Variants in SERGEF observed in about 807,000 individuals in gnomAD.
SERGEF encodes secretion-regulating guanine nucleotide exchange factor.
A neutral mutation model predicts 50.0 loss-of-function variants in SERGEF; 51 were observed. The observed-to-expected ratio is 1.02, with a 90% CI of 0.81 to 1.29. The LOEUF (loss-of-function observed/expected upper bound fraction) is 1.29, where lower values mean the gene tolerates loss of function less well. Among genes scored for constraint, SERGEF ranks in the 50% most tolerant of loss-of-function variants. The pLI is 0.00. For missense variants in SERGEF, 521 were observed against 557.0 expected (o/e 0.94, Z 0.65); for synonymous variants, 205 against 212.4 (o/e 0.97, Z 0.30).
At chr11:17,943,173 G>T (rs1852592227) in intron 9 of SERGEF, among the ~76,000 whole-genome samples, 1 of 152,012 alleles carries the variant, frequency 6.6e-6, no homozygotes, top group Admixed American at 6.5e-5. Context: ...TTAAATATCT[G>T]ATAAAGTTTA....
intron 10 of SERGEF, among the ~76,000 whole-genome samples, chr11:17,875,826 A>G (rs995842299): frequency 1.3e-5 from 2 of 152,188 alleles, no homozygotes; most frequent in African/African-American, 2.4e-5. Flanking sequence ...GTTCTCTTCT[A>G]GTCTAGTCTA....
intron 7 of SERGEF, 66 bp downstream of exon 7, chr11:17,992,865 C>A: frequency 7.6e-7 from 1 of 1,319,488 alleles, no homozygotes; most frequent in Non-Finnish European, 1.1e-6. Flanking sequence ...TTCAATATCA[C>A]CACTTCAGGC....
At position 17,864,374 on chromosome 11, in the gene SERGEF, A is replaced by T. The variant is rs542955019; in HGVS notation, c.1048+13834T>A. Among the ~76,000 whole-genome samples, 4 of 152,294 alleles carry T rather than the reference A, an allele frequency of 2.6e-5. No homozygotes were observed. In the East Asian group the frequency reaches 7.7e-4, roughly 29 times the overall value. ...AGAATGACTCCTGTGGAGTGATATA[A>T]ATGTCGCTTCTTTAGGAACAGTGAA... On this transcript the variant is annotated intron_variant, in intron 10 of 10. Coordinates refer to ENST00000265965, the MANE Select transcript of SERGEF (RefSeq NM_012139.4).
chr11:17,885,397 C>T (rs1668514024), intron 9 of SERGEF, among the ~76,000 whole-genome samples: 1 of 152,180 alleles, frequency 6.6e-6, no homozygotes, highest in African/African-American at 2.4e-5. Context: ...ACCTAGCTCA[C>T]TATAACCTCG....
chr11:17,891,262 G>A (rs141667402), intron 9 of SERGEF, among the ~76,000 whole-genome samples: 10 of 152,298 alleles, frequency 6.6e-5, no homozygotes, highest in Admixed American at 6.5e-4. Context: ...TAGAGATGCA[G>A]AATTGGCAAG....
intron 7 of SERGEF, among the ~76,000 whole-genome samples, chr11:17,992,643 T>A (rs1402190624): frequency 6.6e-6 from 1 of 152,216 alleles, no homozygotes; most frequent in Non-Finnish European, 1.5e-5. Flanking sequence ...TTATCCTTAT[T>A]GTATAGTTAA....
At chr11:17,806,482 A>T (rs1160609318) in intron 10 of SERGEF, among the ~76,000 whole-genome samples, 5 of 152,204 alleles carry the variant, frequency 3.3e-5, no homozygotes, top group African/African-American at 1.2e-4. Context: ...GCTGAGGCTT[A>T]GCTGAGGCTC....
At chr11:17,944,676 T>C (rs1292686663) in intron 9 of SERGEF, among the ~76,000 whole-genome samples, 6 of 152,190 alleles carry the variant, frequency 3.9e-5, no homozygotes, top group African/African-American at 1.4e-4. Flanking sequence ...CTACCAGAAA[T>C]GGAATTGAGA....
intron 4 of SERGEF, among the ~76,000 whole-genome samples, chr11:18,003,488 A>G (rs1008121478): frequency 1.3e-5 from 2 of 152,236 alleles, no homozygotes; most frequent in Non-Finnish European, 2.9e-5. Context: ...TAAAAAATGC[A>G]TACCAGAGTT....
At chr11:17,809,508 T>A (rs1468886756) in intron 10 of SERGEF, among the ~76,000 whole-genome samples, 1 of 152,060 alleles carries the variant, frequency 6.6e-6, no homozygotes, top group East Asian at 1.9e-4. Flanking sequence ...TCATGACAGA[T>A]CACATTTAGG....
intron 9 of SERGEF, among the ~76,000 whole-genome samples, chr11:17,926,391 G>T (rs1242059118): frequency 6.6e-6 from 1 of 152,122 alleles, no homozygotes; most frequent in African/African-American, 2.4e-5. Context: ...CAGGGCCAGA[G>T]GCAGGGAGAG....
At chr11:17,805,516 C>T (rs1355752975) in intron 10 of SERGEF, among the ~76,000 whole-genome samples, 2 of 152,202 alleles carry the variant, frequency 1.3e-5, no homozygotes, top group African/African-American at 4.8e-5. Context: ...AGCCCCACCA[C>T]AACCCTGAAG....
At chr11:17,795,304 G>A (rs758197423) in intron 10 of SERGEF, among the ~76,000 whole-genome samples, 1 of 152,160 alleles carries the variant, frequency 6.6e-6, no homozygotes, top group Non-Finnish European at 1.5e-5. Context: ...CTGTCCCTAG[G>A]GTCCTGCTGT....
At chr11:17,992,646 ATAG>A (rs1321166808) in intron 7 of SERGEF, among the ~76,000 whole-genome samples, 2 of 152,226 alleles carry the variant, frequency 1.3e-5, no homozygotes. Flanking sequence ...TCCTTATTGT[ATAG>A]TTAAGAAAGC....
chr11:18,012,251 C>A (rs902443819), intron 1 of SERGEF, among the ~76,000 whole-genome samples: 1 of 152,180 alleles, frequency 6.6e-6, no homozygotes, highest in Non-Finnish European at 1.5e-5. Context: ...AATTGTGATA[C>A]GTGCTATGAA....
intron 9 of SERGEF, among the ~76,000 whole-genome samples, chr11:17,933,239 C>T (rs1852388149): frequency 6.6e-6 from 1 of 152,176 alleles, no homozygotes; most frequent in Non-Finnish European, 1.5e-5. Flanking sequence ...TAGTTCATTT[C>T]TATCATCTTT....
At chr11:17,955,008 G>T (rs1284646096) in intron 9 of SERGEF, among the ~76,000 whole-genome samples, 1 of 152,186 alleles carries the variant, frequency 6.6e-6, no homozygotes, top group Non-Finnish European at 1.5e-5. Context: ...GACAGTGATG[G>T]GACAGGCTAG....
chr11:17,844,665 T>C (rs1850569463), intron 10 of SERGEF, among the ~76,000 whole-genome samples: 1 of 152,192 alleles, frequency 6.6e-6, no homozygotes, highest in South Asian at 2.1e-4. Flanking sequence ...ATGGGCCTCC[T>C]GTTGCCAGCT....
chr11:18,000,464 A>T, intron 5 of SERGEF, 33 bp downstream of exon 5: 1 of 1,457,890 alleles, frequency 6.9e-7, no homozygotes, highest in Non-Finnish European at 9.3e-7. Flanking sequence ...AGTATTAAAA[A>T]TAAAAATAAA....
Sources: allele counts gnomAD v4.1 joint callset (sites outside exome capture counted in the v4.1 genomes callset), GRCh38; gene constraint gnomAD v4.1.1; transcripts MANE v1.5; gene names NCBI Gene and HGNC (gene_info 2026-07-23, HGNC 2026-07-21).